The following CCDC170 variants were observed in gnomAD, a reference collection of about 807,000 sequenced individuals.
The protein encoded by CCDC170 is coiled-coil domain-containing protein 170.
A neutral mutation model predicts 72.6 loss-of-function variants in CCDC170; 69 were observed. The ratio of observed to expected loss-of-function variants is 0.95; its 90% CI spans 0.78 to 1.16. The LOEUF is 1.16. Ranked by LOEUF, CCDC170 falls within the 50% of genes most tolerant of loss-of-function variation. The pLI, the probability that CCDC170 is intolerant of heterozygous loss-of-function variation, is 0.00. For missense variants in CCDC170, 852 were observed against 832.5 expected, an observed-to-expected ratio of 1.02 and a Z score of -0.29; for synonymous variants, 300 against 303.9, an observed-to-expected ratio of 0.99 and a Z score of 0.13.
chr6:151,576,780 G>C (rs1007259833), intron 6 of CCDC170, among the ~76,000 whole-genome samples: 6 of 152,288 alleles, frequency 3.9e-5, no homozygotes, highest in Admixed American at 2.0e-4. Flanking sequence ...CTAAAGAATG[G>C]GAGCTTTACA....
intron 9 of CCDC170, among the ~76,000 whole-genome samples, chr6:151,612,975 G>C (rs940129220): frequency 6.6e-6 from 1 of 151,594 alleles, no homozygotes; most frequent in Admixed American, 6.6e-5. Context: ...TTTGCTCTTT[G>C]TCTATTCATT....
At chr6:151,551,863 TTTG>T (rs1273766665) in intron 5 of CCDC170, among the ~76,000 whole-genome samples, 1 of 152,100 alleles carries the variant, frequency 6.6e-6, no homozygotes, top group Non-Finnish European at 1.5e-5. Context: ...ATAATCAGTG[TTTG>T]TTGTTTTAAG....
chr6:151,617,058 G>A (rs1371153518), intron 10 of CCDC170, among the ~76,000 whole-genome samples: 4 of 152,152 alleles, frequency 2.6e-5, no homozygotes, highest in Non-Finnish European at 5.9e-5. Flanking sequence ...AATGAGCCTG[G>A]GGTGGGACTG....
chr6:151,587,506 C>T (rs6557154), intron 7 of CCDC170, among the ~76,000 whole-genome samples: 139,282 of 152,210 alleles, frequency 0.92, 63,943 homozygotes, highest in East Asian at 0.99. Context: ...GCACACAGGC[C>T]CAAGAGCCTC....
intron 1 of CCDC170, among the ~76,000 whole-genome samples, chr6:151,530,898 C>A (rs1264312597): frequency 2.6e-5 from 4 of 151,898 alleles, no homozygotes; most frequent in Non-Finnish European, 5.9e-5. Flanking sequence ...TAGATGTTTT[C>A]TCTTAGGTCA....
chr6:151,546,041 G>C (rs573943098), intron 4 of CCDC170, among the ~76,000 whole-genome samples: 1 of 152,170 alleles, frequency 6.6e-6, no homozygotes, highest in South Asian at 2.1e-4. Flanking sequence ...GCCTTCCAAA[G>C]TGCTGGGATT....
chr6:151,577,645 T>A (rs1776321621), intron 6 of CCDC170, among the ~76,000 whole-genome samples: 1 of 151,986 alleles, frequency 6.6e-6, no homozygotes, highest in Non-Finnish European at 1.5e-5. Flanking sequence ...CCCCCGATGC[T>A]ATAAAGCAAG....
In CCDC170 at chr6:151,584,317, T is replaced by C. The variant is rs377382623; in HGVS notation, c.1093-1572T>C. ...GTTTTCCCTTTCTTCTTTATTTTGA[T>C]TATTTATTATTTTTAATTTTTTTTC... is the stretch of plus-strand genomic sequence containing the variant. On this transcript the variant is annotated intron_variant, in intron 6 of 10. Transcript: ENST00000239374. Among the ~76,000 whole-genome samples, 7 of 152,318 alleles carry C rather than the reference T, an allele frequency of 4.6e-5. No homozygotes were observed. The East Asian group carries it at 1.3e-3, about 29-fold the overall frequency.
At chr6:151,554,239 C>T (rs1398518618) in intron 5 of CCDC170, among the ~76,000 whole-genome samples, 1 of 152,174 alleles carries the variant, frequency 6.6e-6, no homozygotes, top group Non-Finnish European at 1.5e-5. Flanking sequence ...CCTGGGCAAG[C>T]CACACACCCA....
chr6:151,598,328 G>A (rs1188563758), intron 9 of CCDC170, among the ~76,000 whole-genome samples: 3 of 152,174 alleles, frequency 2.0e-5, no homozygotes, highest in Admixed American at 6.5e-5. Context: ...GGCCTAGATT[G>A]CACCTCAATT....
At chr6:151,542,504 G>A (rs1583018088) in intron 3 of CCDC170, among the ~76,000 whole-genome samples, 1 of 152,344 alleles carries the variant, frequency 6.6e-6, no homozygotes, top group Non-Finnish European at 1.5e-5. Context: ...TTACAGGCGT[G>A]AGCCACTGTG....
At chr6:151,562,232 C>T (rs771483956) in intron 5 of CCDC170, among the ~76,000 whole-genome samples, 34 of 152,130 alleles carry the variant, frequency 2.2e-4, no homozygotes, top group East Asian at 9.6e-4. Context: ...TATTTTGTTC[C>T]GATTAAGATC....
chr6:151,565,758 C>T (rs1304035262), intron 5 of CCDC170, among the ~76,000 whole-genome samples: 1 of 152,142 alleles, frequency 6.6e-6, no homozygotes, highest in Non-Finnish European at 1.5e-5. Flanking sequence ...ATTTTATTTA[C>T]CTTGTCCAAG....
intron 7 of CCDC170, among the ~76,000 whole-genome samples, chr6:151,591,604 C>T (rs1202318983): frequency 6.6e-6 from 1 of 151,974 alleles, no homozygotes; most frequent in African/African-American, 2.4e-5. Context: ...ACACCATTCT[C>T]CTGCCTCAGC....
chr6:151,559,383 T>C (rs942223012), intron 5 of CCDC170, among the ~76,000 whole-genome samples: 14 of 152,216 alleles, frequency 9.2e-5, no homozygotes, highest in Admixed American at 5.2e-4. Flanking sequence ...TTAATTTCTT[T>C]CATCAGTGTT....
At chr6:151,557,436 C>T (rs888196139) in intron 5 of CCDC170, among the ~76,000 whole-genome samples, 2 of 151,786 alleles carry the variant, frequency 1.3e-5, no homozygotes, top group African/African-American at 4.8e-5. Flanking sequence ...TCCATTCATC[C>T]GTTGGTGGAC....
chr6:151,588,089 C>G (rs986530962), intron 7 of CCDC170, among the ~76,000 whole-genome samples: 1 of 152,102 alleles, frequency 6.6e-6, no homozygotes, highest in Non-Finnish European at 1.5e-5. Flanking sequence ...TAGGAATGAT[C>G]GAGATGGGTC....
chr6:151,524,220 C>T (rs753653970), intron 1 of CCDC170, among the ~76,000 whole-genome samples: 10 of 152,214 alleles, frequency 6.6e-5, no homozygotes, highest in Non-Finnish European at 1.3e-4. Context: ...GCAGGCATGT[C>T]TGGGCAAGCC....
chr6:151,506,236 T>C (rs1287788037), intron 1 of CCDC170, among the ~76,000 whole-genome samples: 2 of 152,218 alleles, frequency 1.3e-5, no homozygotes, highest in East Asian at 3.9e-4. Flanking sequence ...ATGAATTGAC[T>C]TATTACGTGG....
Sources: allele counts gnomAD v4.1 joint callset (sites outside exome capture counted in the v4.1 genomes callset), GRCh38; gene constraint gnomAD v4.1.1; transcripts MANE v1.5; gene names NCBI Gene and HGNC (gene_info 2026-07-23, HGNC 2026-07-21).